Variants in FAM110B observed in about 807,000 individuals in gnomAD.
FAM110B encodes the protein family with sequence similarity 110 member B, also known as protein FAM110B.
Under a neutral mutation model 20.4 loss-of-function variants are expected in FAM110B, and 6 were observed. That is an observed-to-expected ratio of 0.29 (90% confidence interval 0.16 to 0.58). The LOEUF (loss-of-function observed/expected upper bound fraction) is 0.58. Among genes scored for constraint, FAM110B ranks in the 20% least tolerant of loss-of-function variants. The pLI, the probability that FAM110B is intolerant of heterozygous loss-of-function variation, is 0.90. For missense variants in FAM110B, 434 were observed against 498.2 expected (o/e 0.87, Z 1.23); for synonymous variants, 226 against 214.1 (o/e 1.06, Z -0.49).
intron 3 of FAM110B, among the ~76,000 whole-genome samples, chr8:58,106,955 G>C (rs918904628): frequency 6.6e-6 from 1 of 152,094 alleles, no homozygotes; most frequent in Admixed American, 6.6e-5. Flanking sequence ...TTGACAAAAA[G>C]TTTTAAAAGG....
At chr8:58,007,549 G>C (rs187828920) in intron 1 of FAM110B, among the ~76,000 whole-genome samples, 1 of 152,194 alleles carries the variant, frequency 6.6e-6, no homozygotes, top group Non-Finnish European at 1.5e-5. Context: ...TCAAGGGGAT[G>C]GTATTCAGAG....
chr8:58,110,955 A>C (rs1242732294), intron 3 of FAM110B, among the ~76,000 whole-genome samples: 1 of 152,174 alleles, frequency 6.6e-6, no homozygotes, highest in African/African-American at 2.4e-5. Flanking sequence ...AAAATCTTCT[A>C]AATGTTATTT....
intron 2 of FAM110B, among the ~76,000 whole-genome samples, chr8:58,073,223 A>T (rs1452257489): frequency 6.6e-6 from 1 of 152,204 alleles, no homozygotes; most frequent in Non-Finnish European, 1.5e-5. Context: ...GTAAGAAGTG[A>T]CTACTGAGGA....
At chr8:58,136,299 CGT>C (rs1325070936) in intron 3 of FAM110B, among the ~76,000 whole-genome samples, 3 of 152,064 alleles carry the variant, frequency 2.0e-5, no homozygotes, top group Non-Finnish European at 4.4e-5. Flanking sequence ...CGTGAGCCAC[CGT>C]GCCCCGGCCC....
intron 1 of FAM110B, among the ~76,000 whole-genome samples, chr8:58,020,554 T>G (rs185709556): frequency 2.0e-5 from 3 of 152,316 alleles, no homozygotes; most frequent in African/African-American, 7.2e-5. Flanking sequence ...CTAATCAGCC[T>G]TTTAAAAACA....
At position 57,994,751 on chromosome 8, in the gene FAM110B, C is replaced by G. The variant is rs1406536955; in HGVS notation, c.-567C>G. The G allele has an allele frequency of 6.6e-5, 10 of 152,280 alleles. No homozygotes were observed. Among genetic ancestry groups the G allele is most frequent in the Admixed American group, 6.5e-4 (10 of 15,278 alleles). 9.4% of individuals were successfully genotyped at this position (152,280 alleles called of 1,614,324 possible). ...CCGACTCTCCCTCCTTGCAGTCCCC[C>G]GGAGCCTGGCTCCCGGCTCGGGCCG... On this transcript the variant is annotated 5_prime_UTR_variant, in exon 1 of 4. Transcript: ENST00000519262.
chr8:58,121,215 C>T (rs1008703429), intron 3 of FAM110B, among the ~76,000 whole-genome samples: 1 of 152,142 alleles, frequency 6.6e-6, no homozygotes, highest in South Asian at 2.1e-4. Context: ...GCCAGAGGCC[C>T]ATTGATCTCT....
chr8:58,062,439 T>A (rs1446425725), intron 2 of FAM110B, among the ~76,000 whole-genome samples: 1 of 152,216 alleles, frequency 6.6e-6, no homozygotes, highest in Non-Finnish European at 1.5e-5. Context: ...GCACATTAAT[T>A]TCTATTGTGG....
chr8:58,051,142 C>T (rs952761102), intron 2 of FAM110B, among the ~76,000 whole-genome samples: 5 of 152,124 alleles, frequency 3.3e-5, no homozygotes, highest in Non-Finnish European at 5.9e-5. Context: ...CACTCCTGGG[C>T]CAGTGGTGCC....
At chr8:58,081,144 G>T (rs544069545) in intron 3 of FAM110B, among the ~76,000 whole-genome samples, 51 of 152,292 alleles carry the variant, frequency 3.3e-4, no homozygotes, top group Non-Finnish European at 5.7e-4. Context: ...TTAGCCCTGT[G>T]CTGGTCACCT....
At chr8:58,038,468 A>T (rs1455847792) in intron 2 of FAM110B, among the ~76,000 whole-genome samples, 1 of 152,182 alleles carries the variant, frequency 6.6e-6, no homozygotes, top group Non-Finnish European at 1.5e-5. Context: ...TTCTTCATGT[A>T]ATTAAAATAT....
intron 1 of FAM110B, among the ~76,000 whole-genome samples, chr8:58,010,365 T>C (rs1263599731): frequency 6.6e-6 from 1 of 152,118 alleles, no homozygotes; most frequent in African/African-American, 2.4e-5. Flanking sequence ...CAGCCTGAGC[T>C]GTCCTCCAGC....
intron 1 of FAM110B, among the ~76,000 whole-genome samples, chr8:58,021,485 C>T (rs962002015): frequency 4.6e-5 from 7 of 152,180 alleles, no homozygotes; most frequent in South Asian, 2.1e-4. Flanking sequence ...TACACAGAAC[C>T]GATTCCTAGC....
At chr8:58,037,586 C>G (rs1432368039) in intron 2 of FAM110B, among the ~76,000 whole-genome samples, 2 of 151,968 alleles carry the variant, frequency 1.3e-5, no homozygotes, top group African/African-American at 4.8e-5. Flanking sequence ...CTGCAGTGAG[C>G]TGATAGTGCC....
At chr8:58,041,808 ATTCTCTGAATTTCAGC>A (rs1805227306) in intron 2 of FAM110B, among the ~76,000 whole-genome samples, 1 of 152,224 alleles carries the variant, frequency 6.6e-6, no homozygotes, top group African/African-American at 2.4e-5. Flanking sequence ...AGGTATTCCT[ATTCTCTGAATTTCAGC>A]TGTAGGACTC....
chr8:58,121,236 C>T (rs150045998), intron 3 of FAM110B, among the ~76,000 whole-genome samples: 72 of 152,296 alleles, frequency 4.7e-4, no homozygotes, highest in African/African-American at 1.1e-3. Flanking sequence ...GTTGTCCACA[C>T]GCACCACTGT....
At chr8:58,092,237 A>G (rs1806499135) in intron 3 of FAM110B, among the ~76,000 whole-genome samples, 1 of 151,528 alleles carries the variant, frequency 6.6e-6, no homozygotes, top group Non-Finnish European at 1.5e-5. Flanking sequence ...GACATGCTAT[A>G]TTTTTCTTAT....
At chr8:58,131,406 G>A (rs1200311904) in intron 3 of FAM110B, among the ~76,000 whole-genome samples, 2 of 152,068 alleles carry the variant, frequency 1.3e-5, no homozygotes, top group South Asian at 2.1e-4. Flanking sequence ...TTCCAGGCAT[G>A]AGCCACTGCT....
intron 3 of FAM110B, among the ~76,000 whole-genome samples, chr8:58,088,171 C>T (rs1419526591): frequency 6.6e-6 from 1 of 152,126 alleles, no homozygotes; most frequent in African/African-American, 2.4e-5. Flanking sequence ...TTATTTTACA[C>T]CTGTTGTAGT....
Sources: gnomAD v4.1 joint callset for allele counts (sites outside exome capture counted in the v4.1 genomes callset) on GRCh38, gnomAD v4.1.1 for gene constraint, MANE v1.5 for transcripts, NCBI Gene and HGNC (gene_info 2026-07-23, HGNC 2026-07-21) for gene names.